TOPBP1: variants seen among roughly 807,000 people sequenced by gnomAD.
TOPBP1 encodes the protein DNA topoisomerase II binding protein 1.
In TOPBP1, 28 loss-of-function variants were observed where a neutral mutation model predicts 167.7. The observed-to-expected ratio is 0.17, with a 90% CI of 0.12 to 0.23. The LOEUF (loss-of-function observed/expected upper bound fraction) is 0.23, where lower values mean the gene tolerates loss of function less well. Among genes scored for constraint, TOPBP1 ranks in the 10% least tolerant of loss-of-function variants. The pLI is 1.00. For synonymous variants in TOPBP1, 598 were observed against 611.4 expected, an observed-to-expected ratio of 0.98 and a Z score of 0.32; for missense variants, 1,554 against 1,809.6, an observed-to-expected ratio of 0.86 and a Z score of 2.56.
chr3:133,652,999 A>G (rs1936354114), intron 7 of TOPBP1, among the ~76,000 whole-genome samples: 1 of 152,244 alleles, frequency 6.6e-6, no homozygotes, highest in South Asian at 2.1e-4. Context: ...CAGATGATCT[A>G]TAACTGCAGC....
chr3:133,625,631 T>C (rs1247849519), intron 16 of TOPBP1, among the ~76,000 whole-genome samples: 1 of 151,842 alleles, frequency 6.6e-6, no homozygotes, highest in Non-Finnish European at 1.5e-5. Context: ...CTCAGGAGGC[T>C]GAGGCAGGAG....
chr3:133,660,121 T>C (rs1348525681), intron 2 of TOPBP1, among the ~76,000 whole-genome samples: 1 of 152,194 alleles, frequency 6.6e-6, no homozygotes, highest in African/African-American at 2.4e-5. Context: ...TGTATAAGGT[T>C]GCTCTCTCTG....
chr3:133,617,226 C>T lies in TOPBP1; in HGVS notation c.3693G>A (p.Thr1231=), dbSNP rs751339787. 2.5e-6 allele frequency: 4 copies of T among 1,613,764 alleles called. No homozygotes were observed. The highest frequency in any genetic ancestry group is 4.5e-5 in the East Asian group (2 of 44,872). Residue 1231 remains threonine, a synonymous_variant, in exon 22 of 28, where the codon ACG becomes ACA. Coordinates refer to ENST00000260810, the MANE Select transcript of TOPBP1 (RefSeq NM_007027.4). ...TPIKDSHLIP[T]PQAPSIAFPL... is the part of the protein sequence containing the mutation. Reference sequence around the variant, plus strand: ...GAAAGGCAATACTGGGGGCTTGAGGCGTAGGGATCAGGTGGCTGTCTTTTA... The same window carrying T: ...GAAAGGCAATACTGGGGGCTTGAGGTGTAGGGATCAGGTGGCTGTCTTTTA...
At chr3:133,660,857 C>G (rs910368223) in intron 2 of TOPBP1, among the ~76,000 whole-genome samples, 187 bp downstream of exon 2, 1 of 151,992 alleles carries the variant, frequency 6.6e-6, no homozygotes, top group Non-Finnish European at 1.5e-5. Flanking sequence ...TTCCAGCCCC[C>G]CGAAATACAT....
rs779168115 is a variant in TOPBP1, at chr3:133,655,281, C to T, written c.742+9G>A. On this transcript the variant is annotated intron_variant, in intron 6 of 27. Coordinates refer to ENST00000260810, the MANE Select transcript of TOPBP1 (RefSeq NM_007027.4). Reference sequence around the variant, plus strand: ...GTTTCATTTGTCCCTTTGTGAAACACAGTTTTACCTTTTGGTTCTTGCACA... The same window carrying T: ...GTTTCATTTGTCCCTTTGTGAAACATAGTTTTACCTTTTGGTTCTTGCACA... The T allele has an allele frequency of 2.7e-5, 37 of 1,383,724 alleles. 1 individual carries two copies. In the South Asian group the frequency reaches 6.9e-4, roughly 26 times the overall value. 85.7% of individuals were successfully genotyped at this position (1,383,724 alleles called of 1,614,324 possible). A position where few individuals can be genotyped will look rare whatever the true frequency, so the allele number is the denominator to read the frequency against.
intron 23 of TOPBP1, among the ~76,000 whole-genome samples, chr3:133,614,815 CG>C (rs1934805692): frequency 7.3e-6 from 1 of 137,610 alleles, no homozygotes; most frequent in Admixed American, 7.8e-5. Flanking sequence ...TTTTCCACAC[CG>C]GGGCCTGTCC....
chr3:133,605,198 CAA>C (rs76623187), intron 27 of TOPBP1, among the ~76,000 whole-genome samples: 32 of 104,492 alleles, frequency 3.1e-4, no homozygotes, highest in East Asian at 2.9e-4. Context: ...GACCGTGTCT[CAA>C]AAAAAAAAAA....
chr3:133,659,129 C>T lies in TOPBP1; in HGVS notation c.106G>A (p.Glu36Lys). The change falls in exon 3 of 28, where the codon GAA (glutamate) becomes AAA (lysine). Residue 36 changes from glutamate to lysine, a missense_variant. By Grantham distance (56) the Glu-to-Lys change is moderately conservative. Around this residue, in one of 3 missense-constraint regions of TOPBP1, gnomAD observed 1,197 missense variants for 1,351.5 expected, o/e 0.89. Coordinates refer to ENST00000260810, the MANE Select transcript of TOPBP1 (RefSeq NM_007027.4). The part of the protein sequence containing the change: ...ALESIKEFQS[E>K]EYLQIITEEE... ...TCTGTAATAATCTGAAGATATTCTT[C>T]TGATTGGAATTCTTTTATGGACTGA... The T allele has an allele frequency of 1.3e-6, 2 of 1,574,302 alleles. No individual in the cohort carries two copies. Among genetic ancestry groups the T allele is most frequent in the Non-Finnish European group, 1.7e-6 (2 of 1,161,464 alleles).
intron 19 of TOPBP1, among the ~76,000 whole-genome samples, chr3:133,620,598 GAT>G (rs1258008974): frequency 1.4e-5 from 2 of 138,460 alleles, no homozygotes; most frequent in African/African-American, 2.7e-5. Context: ...TTTTTTTGGT[GAT>G]AGTCTAGCAC....
intron 14 of TOPBP1, among the ~76,000 whole-genome samples, chr3:133,634,364 C>T (rs1417599110): frequency 1.3e-5 from 2 of 152,036 alleles, no homozygotes; most frequent in Non-Finnish European, 2.9e-5. Flanking sequence ...CAAAAATTAG[C>T]CGGGCATGGT....
chr3:133,657,262 T>C (rs2107836137), intron 4 of TOPBP1, among the ~76,000 whole-genome samples: 1 of 151,890 alleles, frequency 6.6e-6, no homozygotes, highest in African/African-American at 2.4e-5. Context: ...GAAGATTACT[T>C]GAGCCCAGGA....
intron 16 of TOPBP1, among the ~76,000 whole-genome samples, chr3:133,624,670 A>G (rs1353510311): frequency 6.6e-6 from 1 of 152,206 alleles, no homozygotes; most frequent in Admixed American, 6.5e-5. Flanking sequence ...CCATAAAGGT[A>G]TTTCAAATTA....
At chr3:133,658,051 TAGAGA>T in intron 3 of TOPBP1, 110 bp from the exon 4 acceptor site, 4 of 824,208 alleles carry the variant, frequency 4.9e-6, no homozygotes, top group Non-Finnish European at 7.0e-6. Flanking sequence ...ATGACCACTG[TAGAGA>T]AATCAGCAAA....
intron 23 of TOPBP1, among the ~76,000 whole-genome samples, chr3:133,614,086 C>T (rs1042742416): frequency 3.9e-5 from 6 of 152,104 alleles, no homozygotes; most frequent in Non-Finnish European, 7.4e-5. Context: ...CCACCACACC[C>T]GGTCATATCA....
At position 133,649,877 on chromosome 3, in the gene TOPBP1, C is replaced by T. The variant is rs1248714401; in HGVS notation, c.1156G>A (p.Gly386Arg). The T allele has an allele frequency of 6.2e-7, 1 of 1,612,690 alleles. No homozygotes were observed. The highest frequency in any genetic ancestry group is 8.5e-7 in the Non-Finnish European group (1 of 1,179,464). The change falls in exon 9 of 28, where the codon GGA (glycine) becomes AGA (arginine). Residue 386 changes from glycine (G) to arginine (R), a missense_variant. Gly to Arg is a moderately radical substitution (Grantham distance 125). Around this residue, in one of 3 missense-constraint regions of TOPBP1, gnomAD observed 1,197 missense variants for 1,351.5 expected, o/e 0.89. Transcript: ENST00000260810. ...TCATTTAGCTGGTTAAAACGAACTC[C>T]ACCTCCACTGTTAATAAGTCTTCTC... ...KLRRLINSGG[G>R]VRFNQLNEDV...
chr3:133,660,840 A>G (rs930389390), intron 2 of TOPBP1, among the ~76,000 whole-genome samples: 2 of 152,220 alleles, frequency 1.3e-5, no homozygotes, highest in African/African-American at 4.8e-5. Context: ...GCAATGTGAT[A>G]ATAGACTTCC....
chr3:133,618,397 C>T lies in TOPBP1; in HGVS notation c.3408G>A (p.Glu1136=). The stretch of plus-strand genomic sequence containing the variant: ...AAATGATCTGTTCATTTTGGGAAGG[C>T]TCTGTGTTGACATCAGGTACTGTCT... ...SRQTVPDVNT[E]PSQNEQIIWD... is the part of the protein sequence containing the mutation. The change falls in exon 21 of 28, where the codon GAG becomes GAA. Residue 1136 remains glutamate, a synonymous_variant. Coordinates refer to ENST00000260810, the MANE Select transcript of TOPBP1 (RefSeq NM_007027.4). 6.2e-7 allele frequency: 1 copy of T among 1,613,900 alleles called. No homozygotes were observed.
At chr3:133,629,785 G>A (rs111806296) in intron 14 of TOPBP1, among the ~76,000 whole-genome samples, 4,174 of 150,452 alleles carry the variant, frequency 0.028, 213 homozygotes, top group African/African-American at 0.095. Flanking sequence ...GTGTGTGTGT[G>A]TATATATATA....
chr3:133,618,540 AT>A lies in TOPBP1; in HGVS notation c.3372-108del, dbSNP rs1934973942. On this transcript the variant is annotated intron_variant, in intron 20 of 27. Transcript: ENST00000260810. ...TGTGGCTCACCTTTATATGCCCACC[AT>A]CTAGCACACAGTATGCATTAAAAAT... 2.6e-5 allele frequency: 24 copies of A among 914,842 alleles called. 1 individual carries two copies. In the South Asian group the frequency reaches 4.0e-4, roughly 15 times the overall value. 56.7% of individuals were successfully genotyped at this position (914,842 alleles called of 1,614,324 possible). A position where few individuals can be genotyped will look rare whatever the true frequency, so the allele number is the denominator to read the frequency against.
Sources: allele counts gnomAD v4.1 joint callset (sites outside exome capture counted in the v4.1 genomes callset), GRCh38; gene constraint gnomAD v4.1.1; regional missense constraint gnomAD v4.1.1; transcripts MANE v1.5; gene names NCBI Gene and HGNC (gene_info 2026-07-23, HGNC 2026-07-21).